The following PCSK2 variants were observed in gnomAD, a reference collection of about 807,000 sequenced individuals.
The protein encoded by PCSK2 is neuroendocrine convertase 2.
PCSK2 carries 14 observed loss-of-function variants against 69.7 expected under a neutral mutation model. The ratio of observed to expected loss-of-function variants is 0.20; its 90% CI spans 0.13 to 0.31. The LOEUF is 0.31. Ranked by LOEUF, PCSK2 falls within the 10% of genes least tolerant of loss-of-function variation. The probability of loss-of-function intolerance (pLI) is 1.00; values close to 1 mark genes in which losing one functional copy is unlikely to be tolerated. For missense variants in PCSK2, 544 were observed against 842.5 expected, an observed-to-expected ratio of 0.65 and a Z score of 4.39; for synonymous variants, 307 against 320.7, an observed-to-expected ratio of 0.96 and a Z score of 0.46.
intron 2 of PCSK2, among the ~76,000 whole-genome samples, chr20:17,329,568 T>C (rs1208531617): frequency 6.6e-6 from 1 of 152,246 alleles, no homozygotes; most frequent in Non-Finnish European, 1.5e-5. Flanking sequence ...TTGAAGTGCA[T>C]ATAATGTTCC....
intron 8 of PCSK2, among the ~76,000 whole-genome samples, chr20:17,443,818 C>A (rs908260035): frequency 1.3e-5 from 2 of 152,198 alleles, no homozygotes; most frequent in South Asian, 4.1e-4. Flanking sequence ...CATGCCGAGC[C>A]CGCTGAAGCT....
At chr20:17,402,889 G>A (rs570196698) in intron 5 of PCSK2, among the ~76,000 whole-genome samples, 5 of 151,830 alleles carry the variant, frequency 3.3e-5, no homozygotes, top group African/African-American at 7.2e-5. Flanking sequence ...CCTGGGAGGC[G>A]GAGCTTGCAG....
chr20:17,428,347 C>T (rs951668797), intron 6 of PCSK2, among the ~76,000 whole-genome samples: 2 of 152,058 alleles, frequency 1.3e-5, no homozygotes, highest in Non-Finnish European at 2.9e-5. Context: ...AATTTTGAGG[C>T]ATGAAATATG....
At chr20:17,335,251 C>A (rs1990313709) in intron 2 of PCSK2, among the ~76,000 whole-genome samples, 1 of 152,180 alleles carries the variant, frequency 6.6e-6, no homozygotes, top group South Asian at 2.1e-4. Context: ...CATCACATGG[C>A]TACAGGCTGG....
At chr20:17,230,924 AC>A (rs919992637) in intron 1 of PCSK2, among the ~76,000 whole-genome samples, 12 of 152,218 alleles carry the variant, frequency 7.9e-5, no homozygotes, top group Non-Finnish European at 5.9e-5. Context: ...TGGCCCAAAG[AC>A]CTATGTCTAT....
chr20:17,418,724 G>T (rs2123319644), intron 6 of PCSK2, among the ~76,000 whole-genome samples: 1 of 152,280 alleles, frequency 6.6e-6, no homozygotes, highest in South Asian at 2.1e-4. Context: ...CAGCTGTGCA[G>T]ACACCAAGGC....
Position 17,232,645 on chromosome 20 carries a change from G to A in PCSK2, c.177+5163G>A, listed in dbSNP as rs532371295. Reference sequence around the variant, plus strand: ...ACCACCCATTTAATGATATCGTAATGTCACAACAATGTTCAATCCAGATTA... The same window carrying A: ...ACCACCCATTTAATGATATCGTAATATCACAACAATGTTCAATCCAGATTA... On this transcript the variant is annotated intron_variant, in intron 1 of 11. Transcript: ENST00000262545. Among the ~76,000 whole-genome samples, 3 of 152,260 alleles carry A rather than the reference G, an allele frequency of 2.0e-5. No homozygotes were observed. The South Asian group carries it at 6.2e-4, about 32-fold the overall frequency.
chr20:17,289,762 TC>T (rs1033335816), intron 2 of PCSK2, among the ~76,000 whole-genome samples: 24 of 152,202 alleles, frequency 1.6e-4, no homozygotes, highest in African/African-American at 5.8e-4. Flanking sequence ...TGTTTTACTT[TC>T]CTTTATAATA....
At chr20:17,251,771 C>T (rs1986989899) in intron 1 of PCSK2, among the ~76,000 whole-genome samples, 2 of 152,124 alleles carry the variant, frequency 1.3e-5, no homozygotes, top group South Asian at 4.1e-4. Flanking sequence ...GTAATCCAGG[C>T]AGGGCACAGT....
chr20:17,272,905 T>C lies in PCSK2; in HGVS notation c.282+12561T>C, dbSNP rs189544547. The stretch of plus-strand genomic sequence containing the variant: ...CTCTGAGAAATCAGTTTATTTGCCA[T>C]GGAACAATCTAATTTGGTCATTCAC... On this transcript the variant is annotated intron_variant, in intron 2 of 11. Coordinates refer to ENST00000262545, the MANE Select transcript of PCSK2 (RefSeq NM_002594.5). Among the ~76,000 whole-genome samples, 308 of 152,234 alleles carry C rather than the reference T, an allele frequency of 2.0e-3. 2 individuals carry two copies. The highest frequency in any genetic ancestry group is 3.9e-3 in the Non-Finnish European group (264 of 67,982).
At chr20:17,232,444 C>G (rs1986173558) in intron 1 of PCSK2, among the ~76,000 whole-genome samples, 1 of 152,192 alleles carries the variant, frequency 6.6e-6, no homozygotes, top group Non-Finnish European at 1.5e-5. Context: ...AGTTAAACAC[C>G]TCTTCATATG....
intron 2 of PCSK2, chr20:17,263,184 AC>A: frequency 1.0e-6 from 1 of 962,188 alleles, no homozygotes; most frequent in Non-Finnish European, 1.2e-6. Flanking sequence ...TTGACTTCAG[AC>A]CAGAAATTTC....
chr20:17,253,123 T>C (rs1987051699), intron 1 of PCSK2, among the ~76,000 whole-genome samples: 1 of 152,186 alleles, frequency 6.6e-6, no homozygotes, highest in Non-Finnish European at 1.5e-5. Flanking sequence ...TCCTAGGATA[T>C]ATCCTACAGG....
intron 5 of PCSK2, among the ~76,000 whole-genome samples, chr20:17,391,831 A>T (rs565371847): frequency 5.9e-5 from 9 of 152,026 alleles, no homozygotes; most frequent in African/African-American, 2.2e-4. Context: ...TGATTACACC[A>T]CTGCACTCCA....
At chr20:17,393,987 GCAAA>G (rs1295296001) in intron 5 of PCSK2, among the ~76,000 whole-genome samples, 2 of 152,140 alleles carry the variant, frequency 1.3e-5, no homozygotes, top group Non-Finnish European at 2.9e-5. Flanking sequence ...AATTCCAAAG[GCAAA>G]CAGTTTTATT....
intron 2 of PCSK2, among the ~76,000 whole-genome samples, chr20:17,331,468 A>C (rs113704973): frequency 2.6e-5 from 4 of 152,186 alleles, no homozygotes; most frequent in Admixed American, 1.3e-4. Context: ...AATCCACCTG[A>C]CAAGTAAAGA....
intron 7 of PCSK2, among the ~76,000 whole-genome samples, chr20:17,432,052 T>C (rs1351671672): frequency 6.6e-6 from 1 of 152,142 alleles, no homozygotes. Flanking sequence ...CCACGCTGTC[T>C]CCAGAAAAAG....
intron 2 of PCSK2, among the ~76,000 whole-genome samples, chr20:17,268,077 G>A (rs1987703687): frequency 9.3e-6 from 1 of 108,060 alleles, no homozygotes; most frequent in South Asian, 2.8e-4. Context: ...CATTTATATA[G>A]CCTCTATTAT....
At chr20:17,369,125 T>A in intron 4 of PCSK2, 115 bp from the exon 5 acceptor site, 1 of 829,754 alleles carries the variant, frequency 1.2e-6, no homozygotes, top group African/African-American at 1.7e-5. Flanking sequence ...CTCACCCCCA[T>A]GGCAAGCCTT....
Sources: gnomAD v4.1 joint callset for allele counts (sites outside exome capture counted in the v4.1 genomes callset) on GRCh38, gnomAD v4.1.1 for gene constraint, MANE v1.5 for transcripts, NCBI Gene and HGNC (gene_info 2026-07-23, HGNC 2026-07-21) for gene names.